The following INO80D variants were observed in gnomAD, a reference collection of about 807,000 sequenced individuals.
INO80D encodes the protein INO80 complex subunit D.
Under a neutral mutation model 87.6 loss-of-function variants are expected in INO80D, and 21 were observed. The observed-to-expected ratio is 0.24, with a 90% CI of 0.17 to 0.35. The LOEUF is 0.35. INO80D is among the 10% of genes least tolerant of loss of function. The pLI is 1.00. For missense variants in INO80D, 982 were observed against 1,280.7 expected (o/e 0.77, Z 3.56); for synonymous variants, 440 against 491.0 (o/e 0.90, Z 1.37).
intron 9 of INO80D, among the ~76,000 whole-genome samples, chr2:206,008,827 A>G (rs1210971361): frequency 6.6e-6 from 1 of 152,254 alleles, no homozygotes; most frequent in African/African-American, 2.4e-5. Flanking sequence ...GCTTTTTAGT[A>G]GAATTTCAAA....
intron 5 of INO80D, among the ~76,000 whole-genome samples, chr2:206,030,405 G>A (rs1006140457): frequency 6.6e-6 from 1 of 152,040 alleles, no homozygotes; most frequent in African/African-American, 2.4e-5. Flanking sequence ...GGAGGTTGCA[G>A]GAAACTGAGA....
At chr2:206,033,161 A>C (rs1448260500) in intron 5 of INO80D, among the ~76,000 whole-genome samples, 1 of 152,240 alleles carries the variant, frequency 6.6e-6, no homozygotes, top group Non-Finnish European at 1.5e-5. Flanking sequence ...ATGGACACCA[A>C]AAGCAAGTAG....
In INO80D at chr2:206,046,343, C is replaced by T. The variant is rs142174824; in HGVS notation, c.1073+161G>A. Reference sequence around the variant, plus strand: ...CTTGAGATCAGGAGTTCAAAACCAGCCTGGCCAACATGGTGAAACCCCATC... The same window carrying T: ...CTTGAGATCAGGAGTTCAAAACCAGTCTGGCCAACATGGTGAAACCCCATC... On this transcript the variant is annotated intron_variant, in intron 5 of 10. Coordinates refer to ENST00000403263, the MANE Select transcript of INO80D (RefSeq NM_017759.5). 6.7e-4 allele frequency among the ~76,000 whole-genome samples: 102 copies of T among 152,250 alleles called. 1 individual carries two copies. In the East Asian group the frequency reaches 9.8e-3, roughly 15 times the overall value.
intron 1 of INO80D, among the ~76,000 whole-genome samples, chr2:206,068,339 A>G (rs902075098): frequency 4.1e-4 from 62 of 152,192 alleles, no homozygotes; most frequent in African/African-American, 1.3e-3. Flanking sequence ...CATTCAAGAG[A>G]TCCTCCCGCT....
intron 1 of INO80D, among the ~76,000 whole-genome samples, chr2:206,064,815 A>C (rs1356224359): frequency 7.3e-6 from 1 of 136,698 alleles, no homozygotes; most frequent in Non-Finnish European, 1.7e-5. Flanking sequence ...TTACTGTAGT[A>C]GGAAAAAAAA....
rs1689523466 is a variant in INO80D at position 206,056,453 on chromosome 2, T to C, written c.709A>G (p.Asn237Asp). The C allele has an allele frequency of 6.2e-7, 1 of 1,613,982 alleles. No homozygotes were observed. Among genetic ancestry groups the C allele is most frequent in the South Asian group, 1.1e-5 (1 of 91,070 alleles). ...ACTCCCTGCATTGGTAGGCTGGTGT[T>C]CTGAGGTTGAGGTGACTTGCAGACT... ...GSVCKSPQPQ[N>D]TSLPMQGVAP... is the part of the protein sequence containing the mutation. Residue 237 changes from asparagine (N) to aspartate (D), a missense_variant, in exon 4 of 11, where the codon AAC becomes GAC. Asn to Asp is a conservative substitution (Grantham distance 23). Transcript: ENST00000403263.
At chr2:206,063,387 A>C (rs1468408873) in intron 1 of INO80D, 143 bp from the exon 2 acceptor site, 2 of 360,286 alleles carry the variant, frequency 5.6e-6, no homozygotes, top group Admixed American at 5.0e-5. Flanking sequence ...AGGTTAAATA[A>C]GAAAATAAGA....
At chr2:206,083,689 G>A (rs1357253417) in intron 1 of INO80D, among the ~76,000 whole-genome samples, 1 of 152,058 alleles carries the variant, frequency 6.6e-6, no homozygotes, top group Non-Finnish European at 1.5e-5. Context: ...CCTCACGGAA[G>A]TCAGCACTGA....
chr2:206,080,168 A>C (rs1690235764), intron 1 of INO80D, among the ~76,000 whole-genome samples: 1 of 152,236 alleles, frequency 6.6e-6, no homozygotes, highest in Non-Finnish European at 1.5e-5. Context: ...GAGCTACAAC[A>C]GAGAAGCTAA....
intron 1 of INO80D, among the ~76,000 whole-genome samples, chr2:206,079,625 CTT>C (rs1690220388): frequency 6.6e-6 from 1 of 152,304 alleles, no homozygotes; most frequent in Admixed American, 6.5e-5. Flanking sequence ...CTTCAAATCT[CTT>C]GTCAGGAGCT....
At chr2:206,040,758 C>A in intron 5 of INO80D, 2 of 286,708 alleles carry the variant, frequency 7.0e-6, no homozygotes, top group Admixed American at 3.3e-5. Context: ...CTCTTAAACA[C>A]AAGTCCCAAT....
At chr2:206,005,773 C>T (rs1360553121) in intron 10 of INO80D, among the ~76,000 whole-genome samples, 2 of 152,162 alleles carry the variant, frequency 1.3e-5, no homozygotes, top group Non-Finnish European at 2.9e-5. Flanking sequence ...AATACCATCT[C>T]AAAAACCATC....
Position 206,009,751 on chromosome 2 carries a change from T to C in INO80D, c.1586A>G (p.Gln529Arg), listed in dbSNP as rs940482737. 2.5e-6 allele frequency: 4 copies of C among 1,613,744 alleles called. No individual in the cohort carries two copies. The African/African-American group carries it at 5.3e-5, about 22-fold the overall frequency. Residue 529 changes from glutamine (Q) to arginine (R), a missense_variant, in exon 9 of 11, where the codon CAG becomes CGG. Coordinates refer to ENST00000403263, the MANE Select transcript of INO80D (RefSeq NM_017759.5). ...TTTTTTCCTGGGTTTCCTCTGCTGC[T>C]GGTGCTGAACTTTACGGGAGTTATC... ...RGDNSRKVQHQQQRKPRKKTK... is the reference protein window; with the variant it reads ...RGDNSRKVQHRQQRKPRKKTK...
chr2:206,075,415 C>CTT (rs1690086577), intron 1 of INO80D, among the ~76,000 whole-genome samples: 1 of 151,786 alleles, frequency 6.6e-6, no homozygotes, highest in Non-Finnish European at 1.5e-5. Flanking sequence ...TTTAAAGAGC[C>CTT]TAGATCTACA....
chr2:206,068,130 C>T (rs1689868872), intron 1 of INO80D, among the ~76,000 whole-genome samples: 1 of 152,104 alleles, frequency 6.6e-6, no homozygotes, highest in Non-Finnish European at 1.5e-5. Flanking sequence ...GACAGGGTCT[C>T]ACTTTGTTGC....
chr2:206,057,306 T>C (rs934235049), intron 3 of INO80D, among the ~76,000 whole-genome samples: 1 of 152,136 alleles, frequency 6.6e-6, no homozygotes, highest in Non-Finnish European at 1.5e-5. Context: ...AATTCTCTTA[T>C]GAGAAAAAAT....
intron 1 of INO80D, among the ~76,000 whole-genome samples, chr2:206,078,837 G>A (rs1173122750): frequency 4.6e-5 from 7 of 151,892 alleles, no homozygotes; most frequent in African/African-American, 1.5e-4. Flanking sequence ...CCAGCTACTC[G>A]GGAGGCTGGG....
At chr2:206,052,450 C>G (rs943410700) in intron 4 of INO80D, among the ~76,000 whole-genome samples, 1 of 152,136 alleles carries the variant, frequency 6.6e-6, no homozygotes, top group Non-Finnish European at 1.5e-5. Flanking sequence ...GCCTCAGCCT[C>G]CCAAAGTGTT....
At chr2:206,015,980 CA>C (rs1688308406) in intron 8 of INO80D, among the ~76,000 whole-genome samples, 2 of 152,144 alleles carry the variant, frequency 1.3e-5, no homozygotes, top group South Asian at 4.1e-4. Flanking sequence ...TAGAATAGTG[CA>C]GAAGGAAAAT....
Sources: gnomAD v4.1 joint callset for allele counts (sites outside exome capture counted in the v4.1 genomes callset) on GRCh38, gnomAD v4.1.1 for gene constraint, MANE v1.5 for transcripts, NCBI Gene and HGNC (gene_info 2026-07-23, HGNC 2026-07-21) for gene names.